LRCH4: variants seen among roughly 807,000 people sequenced by gnomAD.
LRCH4 encodes the protein leucine-rich repeat and calponin homology domain-containing protein 4.
LRCH4 carries 56 observed loss-of-function variants against 81.2 expected under a neutral mutation model. That is an observed-to-expected ratio of 0.69 (90% CI 0.56 to 0.86). LRCH4 has a LOEUF of 0.86. Among genes scored for constraint, LRCH4 ranks in the 40% least tolerant of loss-of-function variants. The probability of loss-of-function intolerance (pLI) is 0.00; values close to 1 mark genes in which losing one functional copy is unlikely to be tolerated. For missense variants in LRCH4, 895 were observed against 922.8 expected, an observed-to-expected ratio of 0.97 and a Z score of 0.39; for synonymous variants, 442 against 409.7, an observed-to-expected ratio of 1.08 and a Z score of -0.95.
chr7:100,577,572 A>G lies in LRCH4; in HGVS notation c.1117-14T>C. The G allele has an allele frequency of 6.2e-7, 1 of 1,611,312 alleles. No homozygotes were observed. The highest frequency in any genetic ancestry group is 1.3e-5 in the African/African-American group (1 of 75,012). On this transcript the variant is annotated splice_polypyrimidine_tract_variant and intron_variant, in intron 9 of 17. Transcript: ENST00000310300. This position sits in a 1 kb window ranked among gnomAD's most constrained non-coding sequence, Gnocchi z 6.7. The stretch of plus-strand genomic sequence containing the variant: ...TGGTCGCTGCTCCTAAGGAGAGAAC[A>G]GCAGAGCAGCTGAGGGCAGGCCTGT...
chr7:100,576,961 C>T lies in LRCH4; in HGVS notation c.1409G>A (p.Gly470Glu), dbSNP rs1801383490. 1.3e-6 allele frequency: 2 copies of T among 1,590,774 alleles called. No homozygotes were observed. Among genetic ancestry groups the T allele is most frequent in the Non-Finnish European group, 1.7e-6 (2 of 1,166,324 alleles). Residue 470 changes from glycine to glutamate, a missense_variant, in exon 13 of 18, where the codon GGG (glycine) becomes GAG (glutamate). By Grantham distance (98) the Gly-to-Glu change is moderately conservative (BLOSUM62 -2). Coordinates refer to ENST00000310300, the MANE Select transcript of LRCH4 (RefSeq NM_002319.5). ...SSASQAGAAA[G>E]QGAPAPAPAS... is the part of the protein sequence containing the mutation. The stretch of plus-strand genomic sequence containing the variant: ...AGGGGCAGGGGCGGGGGCTCCCTGC[C>T]CCGCTGCAGCCCCTGCTTGGGAGGC...
Position 100,586,017 on chromosome 7 carries a change from C to A in LRCH4, c.84G>T (p.Leu28=). Residue 28 remains leucine, a synonymous_variant, in exon 1 of 18, where the codon CTG becomes CTT. Transcript: ENST00000310300. ...CCCGCTCTGCACTGCGTCTCCCCGG[C>A]AGACCTGGAGACCCGGGCACGGAGG... ...ATTSVPGSPG[L]PGRRSAERAL... 1 of 1,606,802 alleles carries A rather than the reference C, an allele frequency of 6.2e-7. No individual in the cohort carries two copies. Among genetic ancestry groups the A allele is most frequent in the Non-Finnish European group, 8.5e-7 (1 of 1,176,780 alleles).
At position 100,577,282 on chromosome 7, in the gene LRCH4, C is replaced by T. The variant is rs760345848; in HGVS notation, c.1286G>A (p.Arg429Lys). ...QQQSGAWGAP[R>K]KDSLLKPGLR... ...CGGCCCTGGGTCCCACCTATCCTTC[C>T]TCGGGGCCCCCCACGCCCCGCTCTG... The change falls in exon 11 of 18, where the codon AGG (arginine) becomes AAG (lysine). Residue 429 changes from arginine (R) to lysine (K), a missense_variant. Transcript: ENST00000310300. This position sits in a 1 kb window ranked among gnomAD's most constrained non-coding sequence, Gnocchi z 6.7. The T allele has an allele frequency of 3.7e-6, 6 of 1,600,244 alleles. No individual in the cohort carries two copies. In the Middle Eastern group the frequency reaches 5.0e-4, roughly 134 times the overall value.
rs529847950 is a variant in LRCH4 at position 100,577,287 on chromosome 7, G to C, written c.1281C>G (p.Ala427=). 9.4e-6 allele frequency: 15 copies of C among 1,599,402 alleles called. No homozygotes were observed. The African/African-American group carries it at 1.2e-4, about 13-fold the overall frequency. Residue 427 remains alanine, a synonymous_variant, in exon 11 of 18, where the codon GCC becomes GCG. Coordinates refer to ENST00000310300, the MANE Select transcript of LRCH4 (RefSeq NM_002319.5). The surrounding 1 kb of genome is among the most constrained non-coding windows in gnomAD (Gnocchi z 6.7). ...RQQQQSGAWG[A]PRKDSLLKPG... Reference sequence around the variant, plus strand: ...CTGGGTCCCACCTATCCTTCCTCGGGGCCCCCCACGCCCCGCTCTGCTGCT... The same window carrying C: ...CTGGGTCCCACCTATCCTTCCTCGGCGCCCCCCACGCCCCGCTCTGCTGCT...
At chr7:100,584,813 T>C in intron 1 of LRCH4, 1 of 456,308 alleles carries the variant, frequency 2.2e-6, no homozygotes, top group Non-Finnish European at 4.4e-6. Context: ...TAGGGAGAAG[T>C]AAGCACTATC....
Position 100,575,166 on chromosome 7 carries a change from A to G in LRCH4, c.1993T>C (p.Phe665Leu), listed in dbSNP as rs758592487. The G allele has an allele frequency of 6.2e-7, 1 of 1,613,448 alleles. No individual in the cohort carries two copies. ...AGCAGCAGCATGAGGACCACGTAGA[A>G]GACGACGAAGCCGCCCAGACCAGAG... ...PPSGLGGFVV[F>L]YVVLMLLLYV... Residue 665 changes from phenylalanine to leucine, a missense_variant, in exon 18 of 18, where the codon TTC (phenylalanine) becomes CTC (leucine). Physicochemically the swap from Phe to Leu is conservative, Grantham distance 22. Transcript: ENST00000310300. The surrounding 1 kb of genome is among the most constrained non-coding windows in gnomAD (Gnocchi z 5.3).
rs770539907 is a variant in LRCH4, at chr7:100,575,239, C to T, written c.1920G>A (p.Glu640=). The change falls in exon 18 of 18, where the codon GAG becomes GAA. Residue 640 remains glutamate (E), a synonymous_variant. Transcript: ENST00000310300. The surrounding 1 kb of genome is among the most constrained non-coding windows in gnomAD (Gnocchi z 5.3). ...GTARGLRTAL[E]AVKRVGGKAL... ...CCTTGCCCCCCACCCGCTTCACGGCCTCCAGCGCGGTCCGCAGCCCCCGGG... is the reference window on the plus strand; with the variant it reads ...CCTTGCCCCCCACCCGCTTCACGGCTTCCAGCGCGGTCCGCAGCCCCCGGG... 14 of 1,599,064 alleles carry T rather than the reference C, an allele frequency of 8.8e-6. No individual in the cohort carries two copies. The East Asian group carries it at 2.7e-4, about 31-fold the overall frequency.
Position 100,582,246 on chromosome 7 carries a change from T to G in LRCH4, c.365+69A>C, listed in dbSNP as rs537078564. 6.2e-7 allele frequency: 1 copy of G among 1,613,344 alleles called. No homozygotes were observed. On this transcript the variant is annotated intron_variant, in intron 2 of 17. Coordinates refer to ENST00000310300, the MANE Select transcript of LRCH4 (RefSeq NM_002319.5). The surrounding 1 kb of genome is among the most constrained non-coding windows in gnomAD (Gnocchi z 5.0). ...CTGCCATCCTCTCGGGGTCACTGGG[T>G]GGGTCACTCAGTAGTACTTGAGACT...
chr7:100,575,801 G>A lies in LRCH4; in HGVS notation c.1777-19C>T, dbSNP rs1446343254. 7 of 1,607,268 alleles carry A rather than the reference G, an allele frequency of 4.4e-6. No homozygotes were observed. In the Admixed American group the frequency reaches 6.7e-5, roughly 15 times the overall value. On this transcript the variant is annotated intron_variant, in intron 16 of 17. Coordinates refer to ENST00000310300, the MANE Select transcript of LRCH4 (RefSeq NM_002319.5). The surrounding 1 kb of genome is among the most constrained non-coding windows in gnomAD (Gnocchi z 5.3). ...GTTTTGGCTGGGGTGGGTGAAAGAAGAAAATGTGGTAAGGGAGAGGCCACA... is the reference window on the plus strand; with the variant it reads ...GTTTTGGCTGGGGTGGGTGAAAGAAAAAAATGTGGTAAGGGAGAGGCCACA...
Position 100,575,947 on chromosome 7 carries a change from C to A in LRCH4, c.1700G>T (p.Gly567Val). The A allele has an allele frequency of 6.2e-7, 1 of 1,610,654 alleles. No homozygotes were observed. The highest frequency in any genetic ancestry group is 8.5e-7 in the Non-Finnish European group (1 of 1,178,974). Residue 567 changes from glycine (G) to valine (V), a missense_variant, in exon 16 of 18, where the codon GGG becomes GTG. Coordinates refer to ENST00000310300, the MANE Select transcript of LRCH4 (RefSeq NM_002319.5). This position sits in a 1 kb window ranked among gnomAD's most constrained non-coding sequence, Gnocchi z 5.3. Reference protein sequence around the residue: ...PEDLAEALASGVILCQLANQL... With the variant: ...PEDLAEALASVVILCQLANQL... ...GTTGGCCAGCTGGCACAGGATGACC[C>A]CACTGGCCAGAGCCTCGGCCAGGTC...
At chr7:100,585,730 A>G in intron 1 of LRCH4, 151 bp downstream of exon 1, 4 of 732,358 alleles carry the variant, frequency 5.5e-6, no homozygotes, top group Non-Finnish European at 8.4e-6. Context: ...CAAAGATGGG[A>G]GAGGATGGCT....
intron 4 of LRCH4, chr7:100,579,167 A>T: frequency 4.4e-6 from 1 of 228,624 alleles, no homozygotes; most frequent in Non-Finnish European, 8.8e-6. Context: ...ACCTCCTGTG[A>T]CATGCAACCA....
intron 3 of LRCH4, 45 bp from the exon 4 acceptor site, chr7:100,581,927 A>G: frequency 6.2e-7 from 1 of 1,611,320 alleles, no homozygotes; most frequent in Non-Finnish European, 8.5e-7. Flanking sequence ...GACCAGGCCC[A>G]GCAGAACCCA....
Position 100,578,980 on chromosome 7 carries a change from G to A in LRCH4, c.599-194C>T, listed in dbSNP as rs943551140. The A allele has an allele frequency of 4.0e-5, 24 of 605,582 alleles. No individual in the cohort carries two copies. The Middle Eastern group carries it at 2.2e-3, about 56-fold the overall frequency. 37.5% of individuals were successfully genotyped at this position (605,582 alleles called of 1,614,324 possible). A position where few individuals can be genotyped will look rare whatever the true frequency, so the allele number is the denominator to read the frequency against. On this transcript the variant is annotated intron_variant, in intron 4 of 17. Coordinates refer to ENST00000310300, the MANE Select transcript of LRCH4 (RefSeq NM_002319.5). This position sits in a 1 kb window ranked among gnomAD's most constrained non-coding sequence, Gnocchi z 5.7. ...CATGATTCTGGTCCACGGTCTAAGC[G>A]AGCCTCCCTGAGAGGGCCCATCTGG... is the stretch of plus-strand genomic sequence containing the variant.
At chr7:100,580,755 A>G (rs946249239) in intron 4 of LRCH4, 9 of 152,064 alleles carry the variant, frequency 5.9e-5, no homozygotes, top group African/African-American at 1.7e-4. Flanking sequence ...CACGACATAA[A>G]TAACACAGAC....
chr7:100,580,725 C>A (rs796470731), intron 4 of LRCH4: 8 of 151,570 alleles, frequency 5.3e-5, no homozygotes, highest in African/African-American at 1.9e-4. Context: ...CACAGACACA[C>A]AAACATACAC....
Position 100,575,203 on chromosome 7 carries a change from G to C in LRCH4, c.1956C>G (p.Pro652=), listed in dbSNP as rs1159483498. ...VKRVGGKALP[P]LWPPSGLGGF... The stretch of plus-strand genomic sequence containing the variant: ...CGCCCAGACCAGAGGGGGGCCAGAG[G>C]GGCGGTAGGGCCTTGCCCCCCACCC... Residue 652 remains proline, a synonymous_variant, in exon 18 of 18, where the codon CCC becomes CCG. Transcript: ENST00000310300. The surrounding 1 kb of genome is among the most constrained non-coding windows in gnomAD (Gnocchi z 5.3). The C allele has an allele frequency of 1.4e-5, 22 of 1,611,930 alleles. No individual in the cohort carries two copies. The highest frequency in any genetic ancestry group is 1.9e-5 in the Non-Finnish European group (22 of 1,179,082).
intron 1 of LRCH4, chr7:100,584,044 C>A: frequency 2.4e-6 from 1 of 421,296 alleles, no homozygotes; most frequent in Non-Finnish European, 4.8e-6. Flanking sequence ...CCCAGGGAGC[C>A]TAGTCCAAGG....
rs1433321950 is a variant in LRCH4 at position 100,577,686 on chromosome 7, T to A, written c.1094A>T (p.Asp365Val). 6.2e-7 allele frequency: 1 copy of A among 1,613,752 alleles called. No homozygotes were observed. Among genetic ancestry groups the A allele is most frequent in the African/African-American group, 1.3e-5 (1 of 74,870 alleles). The stretch of plus-strand genomic sequence containing the variant: ...CACCTCCACAGTGCCTCGCTCTTCA[T>A]CCTCCCCGGGGACATGGCTGTCGAT... ...DFIDSHVPGE[D>V]EERGTVEEQR... The change falls in exon 9 of 18, where the codon GAT becomes GTT. Residue 365 changes from aspartate (D) to valine (V), a missense_variant. This residue lies in a region of LRCH4 where 529 missense variants were observed against 504.9 expected (regional missense o/e 1.05). Coordinates refer to ENST00000310300, the MANE Select transcript of LRCH4 (RefSeq NM_002319.5). The surrounding 1 kb of genome is among the most constrained non-coding windows in gnomAD (Gnocchi z 6.7).
Sources: allele counts gnomAD v4.1 joint callset, GRCh38; gene constraint gnomAD v4.1.1; regional missense constraint gnomAD v4.1.1; non-coding constraint Gnocchi (gnomAD v3.1); transcripts MANE v1.5; gene names NCBI Gene and HGNC (gene_info 2026-07-23, HGNC 2026-07-21).